The following LCN10 variants were observed in gnomAD, a reference collection of about 807,000 sequenced individuals.
LCN10 encodes the protein epididymal-specific lipocalin-10.
Under a neutral mutation model 25.1 loss-of-function variants are expected in LCN10, and 18 were observed. The observed-to-expected ratio is 0.72, with a 90% CI of 0.50 to 1.06. The LOEUF (loss-of-function observed/expected upper bound fraction) is 1.06. LCN10 is among the 50% of genes least tolerant of loss of function. The pLI is 0.00. For synonymous variants in LCN10, 130 were observed against 116.7 expected, an observed-to-expected ratio of 1.11 and a Z score of -0.73; for missense variants, 257 against 258.9, an observed-to-expected ratio of 0.99 and a Z score of 0.05.
rs1846902583 is a variant in LCN10 at position 136,740,142 on chromosome 9, A to C, written c.476-94T>G. The C allele has an allele frequency of 1.2e-6, 1 of 869,542 alleles. No individual in the cohort carries two copies. Among genetic ancestry groups the C allele is most frequent in the Non-Finnish European group, 1.9e-6 (1 of 527,132 alleles). 53.9% of individuals were successfully genotyped at this position (869,542 alleles called of 1,614,324 possible). On this transcript the variant is annotated intron_variant, in intron 4 of 5. Coordinates refer to ENST00000497771, the MANE Select transcript of LCN10 (RefSeq NM_001001712.3). The surrounding 1 kb of genome is among the most constrained non-coding windows in gnomAD (Gnocchi z 5.3). ...CCATCCCTACCCCAGGAGCTGCTGAAATGTCCTCAGAGCTTAGGCGTGAAG... is the reference window on the plus strand; with the variant it reads ...CCATCCCTACCCCAGGAGCTGCTGACATGTCCTCAGAGCTTAGGCGTGAAG...
In LCN10 at chr9:136,740,549, C is replaced by A; in HGVS notation, c.475+287G>T. The A allele has an allele frequency of 1.9e-6, 1 of 513,236 alleles. No homozygotes were observed. Among genetic ancestry groups the A allele is most frequent in the Non-Finnish European group, 3.5e-6 (1 of 286,440 alleles). The allele number at this position is 513,236 out of a possible 1,614,324, so 31.8% of individuals were successfully genotyped here. A position where few individuals can be genotyped will look rare whatever the true frequency, so the allele number is the denominator to read the frequency against. ...CTCCTCATCCCCACTGTGTCCCTCACCCAGAACGTTGCACCTGCACCCGCC... is the reference window on the plus strand; with the variant it reads ...CTCCTCATCCCCACTGTGTCCCTCAACCAGAACGTTGCACCTGCACCCGCC... On this transcript the variant is annotated intron_variant, in intron 4 of 5. Coordinates refer to ENST00000497771, the MANE Select transcript of LCN10 (RefSeq NM_001001712.3). The surrounding 1 kb of genome is among the most constrained non-coding windows in gnomAD (Gnocchi z 5.3).
Position 136,739,820 on chromosome 9 carries a change from C to A in LCN10, c.574+130G>T. 2 of 897,644 alleles carry A rather than the reference C, an allele frequency of 2.2e-6. No individual in the cohort carries two copies. The highest frequency in any genetic ancestry group is 1.8e-6 in the Non-Finnish European group (1 of 556,632). 55.6% of individuals were successfully genotyped at this position (897,644 alleles called of 1,614,324 possible). A position where few individuals can be genotyped will look rare whatever the true frequency, so the allele number is the denominator to read the frequency against. ...CAGGGGCGGCAGGAGGTGGGAGGCA[C>A]GTTTGGGCGGATCTTTCAAATGGCA... is the stretch of plus-strand genomic sequence containing the variant. On this transcript the variant is annotated intron_variant, in intron 5 of 5. Transcript: ENST00000497771. This position sits in a 1 kb window ranked among gnomAD's most constrained non-coding sequence, Gnocchi z 6.1.
At chr9:136,741,181 G>A (rs2131069794) in intron 3 of LCN10, 71 bp downstream of exon 3, 1 of 1,340,162 alleles carries the variant, frequency 7.5e-7, no homozygotes, top group East Asian at 2.4e-5. Context: ...GGGGACAAGG[G>A]GCCTGCTCAA....
chr9:136,741,507 C>T, intron 2 of LCN10, 146 bp from the exon 3 acceptor site: 1 of 640,090 alleles, frequency 1.6e-6, no homozygotes. Context: ...CAGTTTTTTG[C>T]TTCACTATCC....
rs1366783216 is a variant in LCN10 at position 136,740,762 on chromosome 9, CT to C, written c.475+73del. 1 of 1,236,950 alleles carries C rather than the reference CT, an allele frequency of 8.1e-7. No homozygotes were observed. The highest frequency in any genetic ancestry group is 1.5e-5 in the African/African-American group (1 of 67,752). The allele number at this position is 1,236,950 out of a possible 1,614,324, so 76.6% of individuals were successfully genotyped here. On this transcript the variant is annotated intron_variant, in intron 4 of 5. Transcript: ENST00000497771. The surrounding 1 kb of genome is among the most constrained non-coding windows in gnomAD (Gnocchi z 5.3). ...CCCGCCTCACCTCCTGCCCGGCCCC[CT>C]GTGCCCAGCGCCCCTCTATGCCTCC...
intron 1 of LCN10, chr9:136,742,364 C>T (rs1270488909): frequency 4.8e-6 from 2 of 414,478 alleles, no homozygotes; most frequent in Admixed American, 4.0e-5. Flanking sequence ...CGGCCCCCGG[C>T]CCCCAACTCT....
intron 1 of LCN10, chr9:136,742,362 G>A (rs370641662): frequency 2.9e-5 from 12 of 410,204 alleles, no homozygotes; most frequent in Admixed American, 1.2e-4. Context: ...GCCGGCCCCC[G>A]GCCCCCAACT....
chr9:136,741,207 G>T (rs1846925458), intron 3 of LCN10, 45 bp downstream of exon 3: 3 of 1,536,414 alleles, frequency 2.0e-6, no homozygotes, highest in Non-Finnish European at 2.7e-6. Context: ...AGGGGGGTCA[G>T]AGGCATATCA....
Position 136,738,537 on chromosome 9 carries a change from A to G in LCN10, c.*988T>C, listed in dbSNP as rs1159966123. The G allele has an allele frequency of 1.3e-5, 2 of 152,108 alleles. No homozygotes were observed. Among genetic ancestry groups the G allele is most frequent in the Non-Finnish European group, 2.9e-5 (2 of 68,030 alleles). 9.4% of individuals were successfully genotyped at this position (152,108 alleles called of 1,614,324 possible). Reference sequence around the variant, plus strand: ...TCTTTGGGATCCCCTTGGCCAGAAGAAGGTCCATTCATTCAGTTGGGGGGT... The same window carrying G: ...TCTTTGGGATCCCCTTGGCCAGAAGGAGGTCCATTCATTCAGTTGGGGGGT... On this transcript the variant is annotated 3_prime_UTR_variant, in exon 6 of 6. Coordinates refer to ENST00000497771, the MANE Select transcript of LCN10 (RefSeq NM_001001712.3).
intron 2 of LCN10, 65 bp downstream of exon 2, chr9:136,741,816 A>C: frequency 6.6e-7 from 1 of 1,525,728 alleles, no homozygotes; most frequent in Non-Finnish European, 8.8e-7. Context: ...ACTCCTTTCC[A>C]GCCCCGAGGC....
rs536368332 is a variant in LCN10 at position 136,738,599 on chromosome 9, G to A, written c.*926C>T. 1 of 152,232 alleles carries A rather than the reference G, an allele frequency of 6.6e-6. No homozygotes were observed. Among genetic ancestry groups the A allele is most frequent in the Non-Finnish European group, 1.5e-5 (1 of 68,060 alleles). 9.4% of individuals were successfully genotyped at this position (152,232 alleles called of 1,614,324 possible). On this transcript the variant is annotated 3_prime_UTR_variant, in exon 6 of 6. Transcript: ENST00000497771. Reference sequence around the variant, plus strand: ...AACCTCCCGTCATCACCCCTTGAGTGAGACCTAAGCCTTCACCGCAGCCTT... The same window carrying A: ...AACCTCCCGTCATCACCCCTTGAGTAAGACCTAAGCCTTCACCGCAGCCTT...
rs777319740 is a variant in LCN10 at position 136,741,835 on chromosome 9, C to A, written c.257+46G>T. 2.1e-5 allele frequency: 32 copies of A among 1,559,616 alleles called. 2 individuals are homozygous for A. In the South Asian group the frequency reaches 3.8e-4, roughly 18 times the overall value. On this transcript the variant is annotated intron_variant, in intron 2 of 5. Coordinates refer to ENST00000497771, the MANE Select transcript of LCN10 (RefSeq NM_001001712.3). ...CTTTCCAGCCCCGAGGCAGCTCCCTCCTCCTGGAAGGGGAGACCCTTGCCT... is the reference window on the plus strand; with the variant it reads ...CTTTCCAGCCCCGAGGCAGCTCCCTACTCCTGGAAGGGGAGACCCTTGCCT...
chr9:136,739,546 A>G lies in LCN10; in HGVS notation c.582T>C (p.Arg194=). The G allele has an allele frequency of 6.2e-7, 1 of 1,600,796 alleles. No homozygotes were observed. The highest frequency in any genetic ancestry group is 8.5e-7 in the Non-Finnish European group (1 of 1,174,416). The part of the protein sequence containing the change: ...AAVILPKDAS[R]THTILP ...GCTCTCATGGCAGGATGGTGTGTGT[A>G]CGGGACGCTGTGGGAGAGGAAAACA... is the stretch of plus-strand genomic sequence containing the variant. Residue 194 remains arginine (R), a synonymous_variant, in exon 6 of 6, where the codon CGT becomes CGC. Transcript: ENST00000497771. This position sits in a 1 kb window ranked among gnomAD's most constrained non-coding sequence, Gnocchi z 6.1.
chr9:136,739,533 G>C lies in LCN10; in HGVS notation c.595C>G (p.Leu199Val), dbSNP rs144589797. The C allele has an allele frequency of 6.2e-7, 1 of 1,600,802 alleles. No individual in the cohort carries two copies. The change falls in exon 6 of 6, where the codon CTG (leucine) becomes GTG (valine). Residue 199 changes from leucine to valine, a missense_variant. Transcript: ENST00000497771. The surrounding 1 kb of genome is among the most constrained non-coding windows in gnomAD (Gnocchi z 6.1). ...GCAGAGGACGCTGGCTCTCATGGCA[G>C]GATGGTGTGTGTACGGGACGCTGTG... ...PKDASRTHTI[L>V]P
Position 136,739,407 on chromosome 9 carries a change from G to T in LCN10, c.*118C>A. 2 of 1,052,722 alleles carry T rather than the reference G, an allele frequency of 1.9e-6. No individual in the cohort carries two copies. The highest frequency in any genetic ancestry group is 1.4e-5 in the South Asian group (1 of 71,970). 65.2% of individuals were successfully genotyped at this position (1,052,722 alleles called of 1,614,324 possible). A position where few individuals can be genotyped will look rare whatever the true frequency, so the allele number is the denominator to read the frequency against. ...GCCACTTGATTTTCACACTGTCAAT[G>T]ACCTAGAGTCACCAAACACCTCTCA... On this transcript the variant is annotated 3_prime_UTR_variant, in exon 6 of 6. Transcript: ENST00000497771. The surrounding 1 kb of genome is among the most constrained non-coding windows in gnomAD (Gnocchi z 6.1).
At position 136,741,560 on chromosome 9, in the gene LCN10, A is replaced by T. The variant is rs972191195; in HGVS notation, c.258-199T>A. 12 of 606,742 alleles carry T rather than the reference A, an allele frequency of 2.0e-5. No homozygotes were observed. In the African/African-American group the frequency reaches 2.2e-4, roughly 11 times the overall value. 37.6% of individuals were successfully genotyped at this position (606,742 alleles called of 1,614,324 possible). A position where few individuals can be genotyped will look rare whatever the true frequency, so the allele number is the denominator to read the frequency against. On this transcript the variant is annotated intron_variant, in intron 2 of 5. Coordinates refer to ENST00000497771, the MANE Select transcript of LCN10 (RefSeq NM_001001712.3). ...GGCTCTGTGGTTTGAGGATTTTCCA[A>T]TTCGGACTGGGGCCTGTCCCACGGC...
At chr9:136,742,139 C>T in intron 1 of LCN10, 119 bp from the exon 2 acceptor site, 5 of 1,329,742 alleles carry the variant, frequency 3.8e-6, no homozygotes, top group Non-Finnish European at 5.1e-6. Flanking sequence ...GGAGTCCCAG[C>T]TCCGCCCAGG....
At position 136,739,248 on chromosome 9, in the gene LCN10, A is replaced by C; in HGVS notation, c.*277T>G. 2.1e-6 allele frequency: 1 copy of C among 471,386 alleles called. No homozygotes were observed. Among genetic ancestry groups the C allele is most frequent in the South Asian group, 2.3e-5 (1 of 43,228 alleles). 29.2% of individuals were successfully genotyped at this position (471,386 alleles called of 1,614,324 possible). On this transcript the variant is annotated 3_prime_UTR_variant, in exon 6 of 6. Coordinates refer to ENST00000497771, the MANE Select transcript of LCN10 (RefSeq NM_001001712.3). This position sits in a 1 kb window ranked among gnomAD's most constrained non-coding sequence, Gnocchi z 6.1. ...TGGGCCGGCCTGTGGTCTGTTTCAC[A>C]GCAGACAGGGAATAGCAGCAGCCTG...
rs1258747937 is a variant in LCN10, at chr9:136,742,911, C to T, written c.-8G>A. The T allele has an allele frequency of 1.2e-6, 2 of 1,612,728 alleles. No individual in the cohort carries two copies. The highest frequency in any genetic ancestry group is 1.1e-5 in the South Asian group (1 of 90,998). On this transcript the variant is annotated 5_prime_UTR_variant, in exon 1 of 6. Transcript: ENST00000497771. Reference sequence around the variant, plus strand: ...CAGCAGCCCCTGCCTCATCTTCACCCTCCTCCCTCAGCCGCCAAGGCCAGT... The same window carrying T: ...CAGCAGCCCCTGCCTCATCTTCACCTTCCTCCCTCAGCCGCCAAGGCCAGT...
Sources: allele counts gnomAD v4.1 joint callset, GRCh38; gene constraint gnomAD v4.1.1; non-coding constraint Gnocchi (gnomAD v3.1); transcripts MANE v1.5; gene names NCBI Gene and HGNC (gene_info 2026-07-23, HGNC 2026-07-21).